The following GALNT9 variants were observed in gnomAD, a reference collection of about 807,000 sequenced individuals.
GALNT9 encodes the protein polypeptide N-acetylgalactosaminyltransferase 9.
GALNT9 carries 47 observed loss-of-function variants against 63.1 expected under a neutral mutation model. That is an observed-to-expected ratio of 0.75 (90% CI 0.59 to 0.95). The LOEUF (loss-of-function observed/expected upper bound fraction) is 0.95, where lower values mean the gene tolerates loss of function less well. Ranked by LOEUF, GALNT9 falls within the 40% of genes least tolerant of loss-of-function variation. The pLI, the probability that GALNT9 is intolerant of heterozygous loss-of-function variation, is 0.00. For synonymous variants in GALNT9, 396 were observed against 365.7 expected, an observed-to-expected ratio of 1.08 and a Z score of -0.94; for missense variants, 829 against 874.8, an observed-to-expected ratio of 0.95 and a Z score of 0.66.
intron 6 of GALNT9, among the ~76,000 whole-genome samples, chr12:132,226,632 C>G (rs1265211094): frequency 7.8e-6 from 1 of 128,588 alleles, no homozygotes; most frequent in Non-Finnish European, 1.6e-5. Flanking sequence ...ACACACCCCA[C>G]ATGCACCCCA....
intron 6 of GALNT9, among the ~76,000 whole-genome samples, chr12:132,223,161 A>C (rs1368784450): frequency 0.47 from 5,311 of 11,236 alleles, 955 homozygotes; most frequent in Non-Finnish European, 0.51. Context: ...CAACCCACAC[A>C]CCACACAACC....
intron 1 of GALNT9, among the ~76,000 whole-genome samples, chr12:132,321,203 A>G (rs61945703): frequency 1.3e-3 from 38 of 28,172 alleles, no homozygotes; most frequent in Middle Eastern, 0.014. Flanking sequence ...CTGTTGGTCC[A>G]GAGTCGAGGC....
chr12:132,289,625 C>T (rs1880733363), intron 1 of GALNT9, among the ~76,000 whole-genome samples: 1 of 152,190 alleles, frequency 6.6e-6, no homozygotes, highest in Non-Finnish European at 1.5e-5. Context: ...AGGGGACACC[C>T]CAGCCACGCT....
chr12:132,251,126 A>G (rs1555238517), intron 5 of GALNT9, among the ~76,000 whole-genome samples: 1 of 152,170 alleles, frequency 6.6e-6, no homozygotes, highest in African/African-American at 2.4e-5. Context: ...CACACGGTAC[A>G]CGTACGTGCA....
At chr12:132,202,666 T>C (rs1290553128) in intron 7 of GALNT9, among the ~76,000 whole-genome samples, 1 of 152,126 alleles carries the variant, frequency 6.6e-6, no homozygotes, top group Non-Finnish European at 1.5e-5. Context: ...TTAGGGTTGA[T>C]GCAGACAAGC....
chr12:132,318,395 C>A (rs1868618353), intron 1 of GALNT9, among the ~76,000 whole-genome samples: 1 of 152,160 alleles, frequency 6.6e-6, no homozygotes, highest in South Asian at 2.1e-4. Context: ...CTCTTCAGGG[C>A]CAGAGCTGGG....
At chr12:132,297,751 C>T (rs923467807) in intron 1 of GALNT9, among the ~76,000 whole-genome samples, 2 of 152,028 alleles carry the variant, frequency 1.3e-5, no homozygotes. Flanking sequence ...CCCATGAAAA[C>T]CAACTCCCTC....
At chr12:132,197,379 CCAGCATCA>C (rs1321283086) in intron 10 of GALNT9, 126 bp from the exon 11 acceptor site, 2 of 1,387,746 alleles carry the variant, frequency 1.4e-6, no homozygotes, top group African/African-American at 1.4e-5. Flanking sequence ...GAATGGAAAG[CCAGCATCA>C]CAGCAGCACC....
rs1555241516 is a variant in GALNT9 at position 132,279,445 on chromosome 12, CAGG to C, written c.419+6802_419+6804del. 1 of 152,428 alleles carries C rather than the reference CAGG, an allele frequency of 6.6e-6. No homozygotes were observed. Among genetic ancestry groups the C allele is most frequent in the African/African-American group, 2.4e-5 (1 of 41,476 alleles). The allele number at this position is 152,428 out of a possible 1,614,324, so 9.4% of individuals were successfully genotyped here. On this transcript the variant is annotated intron_variant, in intron 2 of 10. Coordinates refer to ENST00000328957, the MANE Select transcript of GALNT9 (RefSeq NM_001122636.2). The surrounding 1 kb of genome is among the most constrained non-coding windows in gnomAD (Gnocchi z 4.1). ...CCCTGGGATCTCCCCTCCCCGAGCACAGGCTCTGCTCTGCCCAGCCCCATGCTG... is the reference window on the plus strand; with the variant it reads ...CCCTGGGATCTCCCCTCCCCGAGCACCTCTGCTCTGCCCAGCCCCATGCTG...
intron 6 of GALNT9, chr12:132,247,613 C>T (rs1293241495): frequency 1.8e-6 from 1 of 566,540 alleles, no homozygotes; most frequent in African/African-American, 1.9e-5. Flanking sequence ...ACACTGCAGC[C>T]ACACTCGCCC....
At chr12:132,295,751 G>T (rs782062737) in intron 1 of GALNT9, among the ~76,000 whole-genome samples, 1 of 152,174 alleles carries the variant, frequency 6.6e-6, no homozygotes, top group Non-Finnish European at 1.5e-5. Flanking sequence ...CCAAAAGGGA[G>T]AGCCTCCGAA....
intron 6 of GALNT9, among the ~76,000 whole-genome samples, chr12:132,228,303 G>A (rs1877771567): frequency 6.6e-6 from 1 of 151,604 alleles, no homozygotes; most frequent in Admixed American, 6.6e-5. Flanking sequence ...TCTGACCCCG[G>A]CACTCCCTTT....
At chr12:132,281,742 G>A (rs535582265) in intron 2 of GALNT9, among the ~76,000 whole-genome samples, 26 of 152,180 alleles carry the variant, frequency 1.7e-4, no homozygotes, top group African/African-American at 2.9e-4. Context: ...GCAGGATGCT[G>A]AACCCTCAAA....
intron 1 of GALNT9, among the ~76,000 whole-genome samples, chr12:132,307,166 C>T (rs782471205): frequency 3.9e-5 from 6 of 152,128 alleles, no homozygotes; most frequent in African/African-American, 9.7e-5. Flanking sequence ...GTGGGGACTG[C>T]GGCTCAGACC....
intron 1 of GALNT9, among the ~76,000 whole-genome samples, chr12:132,304,397 A>G (rs1881472322): frequency 8.6e-6 from 1 of 116,678 alleles, no homozygotes. Flanking sequence ...ACCGGGGCAC[A>G]CCCTCACCCA....
At position 132,247,816 on chromosome 12, in the gene GALNT9, C is replaced by T. The variant is rs28537135; in HGVS notation, c.1077+94G>A. ...GCCACACTCGCCCTCACCCCGTCCC[C>T]GGACACCGCGGCCTCACTCGCCCTC... On this transcript the variant is annotated intron_variant, in intron 6 of 10. Transcript: ENST00000328957. 3.8e-5 allele frequency: 58 copies of T among 1,525,056 alleles called. No individual in the cohort carries two copies. In the South Asian group the frequency reaches 4.9e-4, roughly 13 times the overall value. The allele number at this position is 1,525,056 out of a possible 1,614,324, so 94.5% of individuals were successfully genotyped here. A position where few individuals can be genotyped will look rare whatever the true frequency, so the allele number is the denominator to read the frequency against.
At chr12:132,211,268 T>C (rs1435828985) in intron 6 of GALNT9, among the ~76,000 whole-genome samples, 1 of 152,198 alleles carries the variant, frequency 6.6e-6, no homozygotes, top group Non-Finnish European at 1.5e-5. Flanking sequence ...GTTTGTCAAA[T>C]CCTGAAGCAC....
intron 6 of GALNT9, among the ~76,000 whole-genome samples, chr12:132,209,362 T>TAA (rs535876437): frequency 0.01 from 1,579 of 150,562 alleles, 23 homozygotes; most frequent in African/African-American, 0.037. Context: ...CCGTCTTTAC[T>TAA]AAAAAAAATA....
At chr12:132,295,488 C>G (rs555584842) in intron 1 of GALNT9, among the ~76,000 whole-genome samples, 7 of 152,196 alleles carry the variant, frequency 4.6e-5, no homozygotes, top group Non-Finnish European at 8.8e-5. Context: ...GGAGGTAGTG[C>G]GGGAGTCGGG....
Sources: allele counts gnomAD v4.1 joint callset (sites outside exome capture counted in the v4.1 genomes callset), GRCh38; gene constraint gnomAD v4.1.1; non-coding constraint Gnocchi (gnomAD v3.1); transcripts MANE v1.5; gene names NCBI Gene and HGNC (gene_info 2026-07-23, HGNC 2026-07-21).